MAPK6: variants seen among roughly 807,000 people sequenced by gnomAD.
MAPK6 encodes the protein ERK-3.
MAPK6 carries 19 observed loss-of-function variants against 59.3 expected under a neutral mutation model. That is an observed-to-expected ratio of 0.32 (90% CI 0.22 to 0.47). The LOEUF is 0.47. Ranked by LOEUF, MAPK6 falls within the 20% of genes least tolerant of loss-of-function variation. MAPK6 has a pLI of 1.00. For missense variants in MAPK6, 724 were observed against 847.9 expected (o/e 0.85, Z 1.81); for synonymous variants, 316 against 290.3 (o/e 1.09, Z -0.90).
chr15:52,061,711 C>G (rs1204728145), intron 5 of MAPK6, among the ~76,000 whole-genome samples: 1 of 151,994 alleles, frequency 6.6e-6, no homozygotes, highest in Admixed American at 6.6e-5. Flanking sequence ...ACCCAAGTGG[C>G]CGAGGCTGCC....
intron 2 of MAPK6, among the ~76,000 whole-genome samples, chr15:51,986,846 A>G (rs939484041): frequency 3.3e-5 from 5 of 152,174 alleles, no homozygotes; most frequent in African/African-American, 9.7e-5. Flanking sequence ...TGCCCAGACT[A>G]TTATGACAGC....
At chr15:52,043,372 A>G (rs934353978) in intron 1 of MAPK6, among the ~76,000 whole-genome samples, 2 of 151,858 alleles carry the variant, frequency 1.3e-5, no homozygotes, top group Non-Finnish European at 2.9e-5. Flanking sequence ...ATCTCACCTC[A>G]CTGCAACCTC....
chr15:52,016,066 G>GCACACA (rs926833047), upstream of MAPK6, among the ~76,000 whole-genome samples: 257 of 44,342 alleles, frequency 5.8e-3, 1 homozygote, highest in Middle Eastern at 0.014. Flanking sequence ...GCGCGCGCGC[G>GCACACA]CGCGCACACA....
At chr15:52,063,654 G>C (rs891688998) in intron 5 of MAPK6, among the ~76,000 whole-genome samples, 1 of 152,098 alleles carries the variant, frequency 6.6e-6, no homozygotes, top group Non-Finnish European at 1.5e-5. Context: ...GAAGTCTTTT[G>C]TTTGCATGGA....
intron 2 of MAPK6, among the ~76,000 whole-genome samples, chr15:52,001,711 G>C (rs988340602): frequency 4.6e-5 from 7 of 152,032 alleles, no homozygotes; most frequent in Admixed American, 3.9e-4. Context: ...GTTTCACCAT[G>C]TTGGCCAGGC....
chr15:52,063,744 A>G (rs954201263), intron 5 of MAPK6, among the ~76,000 whole-genome samples, 158 bp from the exon 6 acceptor site: 4 of 152,224 alleles, frequency 2.6e-5, no homozygotes, highest in South Asian at 2.1e-4. Flanking sequence ...GAGCTTTCCT[A>G]TCAAGACTAA....
intron 1 of MAPK6, among the ~76,000 whole-genome samples, chr15:52,032,497 G>A (rs1323787796): frequency 1.3e-5 from 2 of 151,124 alleles, no homozygotes; most frequent in Non-Finnish European, 3.0e-5. Flanking sequence ...GCCGTGGATA[G>A]ATATTTTTAA....
chr15:52,025,797 TA>T (rs1398301872), intron 1 of MAPK6, among the ~76,000 whole-genome samples: 2 of 151,864 alleles, frequency 1.3e-5, no homozygotes, highest in Non-Finnish European at 2.9e-5. Context: ...CAAAAAAAAA[TA>T]AAAATAGTTG....
intron 3 of MAPK6, among the ~76,000 whole-genome samples, chr15:52,012,946 C>T: frequency 7.4e-6 from 1 of 134,966 alleles, no homozygotes; most frequent in Non-Finnish European, 1.5e-5. Flanking sequence ...AAGATTGTGC[C>T]ACTATACTCC....
At chr15:52,038,167 A>AT (rs1330465564) in intron 1 of MAPK6, among the ~76,000 whole-genome samples, 2 of 151,710 alleles carry the variant, frequency 1.3e-5, no homozygotes, top group Admixed American at 1.3e-4. Flanking sequence ...AAAAAAAAAA[A>AT]AAAATTGACC....
chr15:52,053,627 GTTGA>G (rs1175221374), intron 3 of MAPK6, among the ~76,000 whole-genome samples: 360 of 6,790 alleles, frequency 0.053, 7 homozygotes, highest in Admixed American at 0.24. Flanking sequence ...TGATTGATTG[GTTGA>G]TTGATTGATT....
chr15:52,001,891 G>A (rs1203338324), intron 2 of MAPK6, among the ~76,000 whole-genome samples: 3 of 151,854 alleles, frequency 2.0e-5, no homozygotes, highest in Admixed American at 2.0e-4. Context: ...AAGATTTTGG[G>A]GGGCATCAAC....
At chr15:52,041,696 C>G (rs1436818890) in intron 1 of MAPK6, among the ~76,000 whole-genome samples, 1 of 152,050 alleles carries the variant, frequency 6.6e-6, no homozygotes, top group Non-Finnish European at 1.5e-5. Flanking sequence ...ATATACCTGC[C>G]CTAAGAGTTA....
chr15:52,003,087 T>G (rs895566028), intron 2 of MAPK6, among the ~76,000 whole-genome samples: 1 of 151,968 alleles, frequency 6.6e-6, no homozygotes, highest in Non-Finnish European at 1.5e-5. Context: ...CTCAGGAGGC[T>G]GAGGCAGGAG....
chr15:51,980,616 A>G (rs1235773398), intron 1 of MAPK6, among the ~76,000 whole-genome samples: 1 of 150,360 alleles, frequency 6.7e-6, no homozygotes, highest in Non-Finnish European at 1.5e-5. Flanking sequence ...TTTTAGACAG[A>G]GTCTTGCTCT....
intron 3 of MAPK6, among the ~76,000 whole-genome samples, chr15:52,010,622 G>A (rs1007185111): frequency 3.3e-5 from 5 of 150,822 alleles, no homozygotes; most frequent in African/African-American, 1.2e-4. Flanking sequence ...GGGTTCAAGC[G>A]ATTCTCCTGC....
rs1365876871 is a variant in MAPK6, at chr15:52,013,009, AAAAAAAAAAAAATATATATATATAT to A, written c.-632+8609_-632+8633del. On this transcript the variant is annotated intron_variant, in intron 3 of 7. Transcript: ENST00000691380. ...CTGGAAAAAAAAAAAAAAAAAAAAA[AAAAAAAAAAAAATATATATATATAT>A]ATATATATATATATATATATATATA... Among the ~76,000 whole-genome samples the A allele has an allele frequency of 1.5e-4, 4 of 26,108 alleles. No individual in the cohort carries two copies. In the South Asian group the frequency reaches 3.3e-3, roughly 21 times the overall value. The allele number at this position is 26,108 out of a possible 152,430, so 17.1% of individuals were successfully genotyped here.
chr15:52,025,743 GCGC>G (rs1168691496), intron 1 of MAPK6, among the ~76,000 whole-genome samples: 1 of 152,102 alleles, frequency 6.6e-6, no homozygotes, highest in African/African-American at 2.4e-5. Context: ...CTTGCAGTGA[GCGC>G]CACTGCACTC....
At chr15:51,977,772 A>T (rs1025229312) in intron 1 of MAPK6, among the ~76,000 whole-genome samples, 6 of 151,646 alleles carry the variant, frequency 4.0e-5, no homozygotes, top group Non-Finnish European at 8.8e-5. Flanking sequence ...CCTGGCCTCA[A>T]GCGATCCTCC....
Sources: gnomAD v4.1 joint callset for allele counts (sites outside exome capture counted in the v4.1 genomes callset) on GRCh38, gnomAD v4.1.1 for gene constraint, MANE v1.5 for transcripts, NCBI Gene and HGNC (gene_info 2026-07-23, HGNC 2026-07-21) for gene names.